TACR3: variants seen among roughly 807,000 people sequenced by gnomAD.
TACR3 encodes the protein tachykinin receptor 3.
In TACR3, 34 loss-of-function variants were observed where a neutral mutation model predicts 35.0. The observed-to-expected ratio is 0.97, with a 90% CI of 0.74 to 1.30. TACR3 has a LOEUF of 1.30. Among genes scored for constraint, TACR3 ranks in the 50% most tolerant of loss-of-function variants. The pLI is 0.00. For missense variants in TACR3, 558 were observed against 591.7 expected, an observed-to-expected ratio of 0.94 and a Z score of 0.59; for synonymous variants, 233 against 221.1, an observed-to-expected ratio of 1.05 and a Z score of -0.48.
At chr4:103,598,196 A>G (rs1418768577) in intron 3 of TACR3, among the ~76,000 whole-genome samples, 1 of 152,166 alleles carries the variant, frequency 6.6e-6, no homozygotes, top group East Asian at 1.9e-4. Context: ...CATTTCTCTG[A>G]TGGCCAGTGA....
intron 1 of TACR3, among the ~76,000 whole-genome samples, chr4:103,709,960 T>A (rs532981714): frequency 2.1e-4 from 32 of 152,154 alleles, no homozygotes; most frequent in African/African-American, 7.7e-4. Context: ...AAGAGCTAAC[T>A]ATCCTAAATG....
intron 1 of TACR3, among the ~76,000 whole-genome samples, chr4:103,697,494 G>T (rs1288278391): frequency 6.6e-6 from 1 of 151,582 alleles, no homozygotes; most frequent in Non-Finnish European, 1.5e-5. Context: ...GCGCCATCTC[G>T]GTTCACTGCA....
At chr4:103,685,712 C>G (rs190919324) in intron 1 of TACR3, among the ~76,000 whole-genome samples, 109 of 152,128 alleles carry the variant, frequency 7.2e-4, no homozygotes, top group Middle Eastern at 6.8e-3. Context: ...ATCTTCTCCC[C>G]CAAAACCGAA....
intron 3 of TACR3, among the ~76,000 whole-genome samples, chr4:103,652,671 C>T (rs55729266): frequency 1.6e-3 from 247 of 151,886 alleles, no homozygotes; most frequent in African/African-American, 5.6e-3. Flanking sequence ...CCCGTGTAGT[C>T]TCTTATTATT....
chr4:103,679,323 C>T (rs185462524), intron 1 of TACR3, among the ~76,000 whole-genome samples: 28 of 151,968 alleles, frequency 1.8e-4, no homozygotes, highest in Non-Finnish European at 2.7e-4. Context: ...GACAGTGTGG[C>T]GTATAAATAA....
intron 3 of TACR3, among the ~76,000 whole-genome samples, chr4:103,651,189 G>A (rs1387045071): frequency 6.6e-6 from 1 of 150,748 alleles, no homozygotes; most frequent in South Asian, 2.1e-4. Flanking sequence ...TGGGTCCAGA[G>A]TTCCTCCTAG....
In TACR3 at chr4:103,655,058, A is replaced by G. The variant is rs72945383; in HGVS notation, c.888+1136T>C. 8.7e-3 allele frequency among the ~76,000 whole-genome samples: 1,318 copies of G among 152,314 alleles called. 21 individuals are homozygous for G. Among genetic ancestry groups the G allele is most frequent in the African/African-American group, 0.03 (1,235 of 41,578 alleles). On this transcript the variant is annotated intron_variant, in intron 3 of 4. Coordinates refer to ENST00000304883, the MANE Select transcript of TACR3 (RefSeq NM_001059.3). ...AAATTGAATTACATACACAGTAGATATATTTTTGTACATCCTGAAATGAGT... is the reference window on the plus strand; with the variant it reads ...AAATTGAATTACATACACAGTAGATGTATTTTTGTACATCCTGAAATGAGT...
intron 3 of TACR3, among the ~76,000 whole-genome samples, chr4:103,619,800 C>A (rs1211666485): frequency 6.6e-6 from 1 of 152,138 alleles, no homozygotes; most frequent in Non-Finnish European, 1.5e-5. Context: ...GCTATTGATT[C>A]TGGTTGTGTG....
chr4:103,642,832 C>G (rs1269475064), intron 3 of TACR3, among the ~76,000 whole-genome samples: 2 of 151,720 alleles, frequency 1.3e-5, no homozygotes, highest in Non-Finnish European at 2.9e-5. Context: ...ATGCTCCCAA[C>G]ATAAAGGTAT....
At chr4:103,599,902 T>G (rs1369686875) in intron 3 of TACR3, among the ~76,000 whole-genome samples, 1 of 152,164 alleles carries the variant, frequency 6.6e-6, no homozygotes, top group Admixed American at 6.5e-5. Context: ...TCAAGGATAT[T>G]GGTCTAAAAT....
chr4:103,673,358 CTTTCA>C (rs1372376522), intron 1 of TACR3, among the ~76,000 whole-genome samples: 2 of 152,138 alleles, frequency 1.3e-5, no homozygotes, highest in Non-Finnish European at 2.9e-5. Context: ...CATTGTGACT[CTTTCA>C]TTTCAACACT....
intron 4 of TACR3, chr4:103,591,208 T>A: frequency 2.2e-6 from 1 of 459,024 alleles, no homozygotes. Context: ...CTTTGGCAGG[T>A]AAAATTCTGA....
chr4:103,635,443 C>A (rs915572956), intron 3 of TACR3, among the ~76,000 whole-genome samples: 2 of 151,892 alleles, frequency 1.3e-5, no homozygotes, highest in African/African-American at 4.8e-5. Flanking sequence ...CACCCCTACC[C>A]CTGTGCAAAA....
chr4:103,591,491 T>C lies in TACR3; in HGVS notation c.1081A>G (p.Lys361Glu), dbSNP rs1723893738. Residue 361 changes from lysine to glutamate, a missense_variant, in exon 4 of 5, where the codon AAA (lysine) becomes GAA (glutamate). By Grantham distance (56) the Lys-to-Glu change is moderately conservative. Transcript: ENST00000304883. ...ATTTCGTAGTTTTGTTTTTACCTTT[T>C]ATTCAGACAGCAGTAGATGATGGGA... ...YNPIIYCCLN[K>E]RFRAGFKRAF... The C allele has an allele frequency of 1.1e-5, 17 of 1,613,804 alleles. No individual in the cohort carries two copies. The East Asian group carries it at 3.8e-4, about 36-fold the overall frequency.
intron 3 of TACR3, among the ~76,000 whole-genome samples, chr4:103,595,598 C>T (rs1723988591): frequency 6.6e-6 from 1 of 151,932 alleles, no homozygotes. Flanking sequence ...TTATTCATTA[C>T]ATTAAATTAG....
intron 1 of TACR3, among the ~76,000 whole-genome samples, chr4:103,703,476 C>T (rs1378408652): frequency 1.3e-5 from 2 of 152,108 alleles, no homozygotes; most frequent in Non-Finnish European, 2.9e-5. Flanking sequence ...TCCATATTCA[C>T]CTCATGGCAC....
At chr4:103,646,607 C>T (rs1405562166) in intron 3 of TACR3, among the ~76,000 whole-genome samples, 1 of 151,910 alleles carries the variant, frequency 6.6e-6, no homozygotes, top group Non-Finnish European at 1.5e-5. Flanking sequence ...TCCAAGATGT[C>T]AGTAGGGAGT....
chr4:103,618,538 G>GA (rs1724707001), intron 3 of TACR3, among the ~76,000 whole-genome samples: 1 of 98,612 alleles, frequency 1.0e-5, no homozygotes, highest in Non-Finnish European at 2.1e-5. Context: ...TGTTCTTTTT[G>GA]CTTAGGATTG....
In TACR3 at chr4:103,719,909, T is replaced by A; in HGVS notation, c.-234A>T. ...GCTCTGGCAGGCAGAAAGAATGAGA[T>A]CCTCCCGAGATTAAGGGTTATCGAG... On this transcript the variant is annotated 5_prime_UTR_variant, in exon 1 of 5. Coordinates refer to ENST00000304883, the MANE Select transcript of TACR3 (RefSeq NM_001059.3). 1.7e-6 allele frequency: 1 copy of A among 596,754 alleles called. No homozygotes were observed. The highest frequency in any genetic ancestry group is 3.0e-6 in the Non-Finnish European group (1 of 336,310). The allele number at this position is 596,754 out of a possible 1,614,324, so 37.0% of individuals were successfully genotyped here.
Sources: allele counts gnomAD v4.1 joint callset (sites outside exome capture counted in the v4.1 genomes callset), GRCh38; gene constraint gnomAD v4.1.1; transcripts MANE v1.5; gene names NCBI Gene and HGNC (gene_info 2026-07-23, HGNC 2026-07-21).